DCAF8L2: variants seen among roughly 807,000 people sequenced by gnomAD.
DCAF8L2 encodes the protein DDB1- and CUL4-associated factor 8-like protein 2.
For missense variants in DCAF8L2, 430 were observed against 490.7 expected (o/e 0.88, Z 1.17); for synonymous variants, 200 against 190.9 (o/e 1.05, Z -0.39).
chrX:27,514,088 A>T, the DCAF8L2 span, among the ~76,000 whole-genome samples: 1 of 108,266 alleles, frequency 9.2e-6, no homozygotes, highest in South Asian at 3.9e-4. Context: ...ACAATAGCCA[A>T]TACATAAATG....
intron 2 of DCAF8L2, among the ~76,000 whole-genome samples, chrX:27,671,270 G>A (rs1278774718): frequency 8.9e-6 from 1 of 111,909 alleles, no homozygotes; most frequent in Non-Finnish European, 1.9e-5. Context: ...TCTGGTAACT[G>A]TTAAAAAATA....
At chrX:27,657,696 G>A (rs186987946) in intron 2 of DCAF8L2, among the ~76,000 whole-genome samples, 17 of 112,119 alleles carry the variant, frequency 1.5e-4, no homozygotes, top group African/African-American at 4.8e-4. Context: ...ACATGAGACA[G>A]AATAAGGATA....
the DCAF8L2 span, among the ~76,000 whole-genome samples, chrX:27,471,723 T>G: frequency 2.7e-5 from 3 of 111,418 alleles, no homozygotes. Flanking sequence ...TTAGTTACTT[T>G]TATTGTCTTA....
chrX:27,561,154 G>T, the DCAF8L2 span, among the ~76,000 whole-genome samples: 1 of 112,093 alleles, frequency 8.9e-6, no homozygotes, highest in Non-Finnish European at 1.9e-5. Context: ...GGGCATGGCT[G>T]GCCCTGAATC....
the DCAF8L2 span, among the ~76,000 whole-genome samples, chrX:27,538,742 G>T: frequency 3.6e-5 from 4 of 111,119 alleles, no homozygotes; most frequent in Non-Finnish European, 7.5e-5. Flanking sequence ...TAAAGGCTTT[G>T]CTCATATTTA....
At position 27,704,839 on chromosome X, in the gene DCAF8L2, CA is replaced by C. The variant is rs1403201902; in HGVS notation, c.-142-11248del. ...TTTTTTAATTTTTTTATTTCAGGTT[CA>C]GGGGTAGATATGCATGTTTGTTATA... On this transcript the variant is annotated intron_variant, in intron 3 of 4. Coordinates refer to ENST00000451261, the MANE Select transcript of DCAF8L2 (RefSeq NM_001353450.2). 2.7e-5 allele frequency among the ~76,000 whole-genome samples: 3 copies of C among 110,257 alleles called. No homozygotes were observed. In the Admixed American group the frequency reaches 2.9e-4, roughly 11 times the overall value.
chrX:27,647,545 C>T (rs187436463), intron 2 of DCAF8L2, among the ~76,000 whole-genome samples: 50 of 111,651 alleles, frequency 4.5e-4, no homozygotes, highest in Admixed American at 1.1e-3. Context: ...ACATCCTCCA[C>T]ATGTACCACA....
At chrX:27,535,791 G>T in the DCAF8L2 span, among the ~76,000 whole-genome samples, 1 of 111,911 alleles carries the variant, frequency 8.9e-6, no homozygotes, top group African/African-American at 3.2e-5. Flanking sequence ...GCAAGTAAAA[G>T]AGACTTATTG....
At chrX:27,557,272 A>G in the DCAF8L2 span, among the ~76,000 whole-genome samples, 1 of 112,434 alleles carries the variant, frequency 8.9e-6, no homozygotes, top group Admixed American at 9.5e-5. Flanking sequence ...ATCTGATCCA[A>G]CAACTTTTAG....
the DCAF8L2 span, among the ~76,000 whole-genome samples, chrX:27,507,934 A>G: frequency 9.0e-6 from 1 of 111,685 alleles, no homozygotes; most frequent in Non-Finnish European, 1.9e-5. Flanking sequence ...CGCCTCAGGT[A>G]CTGTAAGATA....
chrX:27,620,577 C>T (rs1193393039), intron 1 of DCAF8L2, among the ~76,000 whole-genome samples: 1 of 111,777 alleles, frequency 8.9e-6, no homozygotes, highest in East Asian at 2.8e-4. Context: ...TGCTCAACAT[C>T]ACAAATCATT....
Position 27,591,007 on chromosome X carries a change from A to G in DCAF8L2, c.-342+567A>G, listed in dbSNP as rs964082809. On this transcript the variant is annotated intron_variant, in intron 1 of 4. Transcript: ENST00000451261. ...CTTTACATTTTATATATATATATAT[A>G]TATATATAAATAAATAATTTGATAG... is the stretch of plus-strand genomic sequence containing the variant. Among the ~76,000 whole-genome samples, 107 of 96,524 alleles carry G rather than the reference A, an allele frequency of 1.1e-3. 2 individuals carry two copies. Among genetic ancestry groups the G allele is most frequent in the Non-Finnish European group, 4.4e-4 (21 of 47,821 alleles). The allele number at this position is 96,524 out of a possible 115,157, so 83.8% of individuals were successfully genotyped here.
At chrX:27,566,059 C>T in the DCAF8L2 span, among the ~76,000 whole-genome samples, 11 of 110,324 alleles carry the variant, frequency 1.0e-4, no homozygotes, top group African/African-American at 3.3e-4. Flanking sequence ...ATTGCAGATA[C>T]GTTTAGTTCT....
the DCAF8L2 span, among the ~76,000 whole-genome samples, chrX:27,523,623 AT>A: frequency 8.4e-5 from 9 of 107,512 alleles, no homozygotes; most frequent in South Asian, 4.0e-4. Context: ...AGTGCTTGGA[AT>A]TTTTTTTTTG....
chrX:27,532,465 A>G, the DCAF8L2 span, among the ~76,000 whole-genome samples: 38 of 112,041 alleles, frequency 3.4e-4, no homozygotes, highest in African/African-American at 1.2e-3. Context: ...AGTCCTATTA[A>G]TGGAAGAGTA....
At chrX:27,556,125 C>T in the DCAF8L2 span, among the ~76,000 whole-genome samples, 1 of 110,991 alleles carries the variant, frequency 9.0e-6, no homozygotes, top group Admixed American at 9.6e-5. Flanking sequence ...TGGTTCCCTT[C>T]CAAGTTTGTC....
intron 2 of DCAF8L2, among the ~76,000 whole-genome samples, chrX:27,671,001 A>G (rs188368125): frequency 8.9e-6 from 1 of 112,218 alleles, no homozygotes; most frequent in African/African-American, 3.2e-5. Flanking sequence ...CTTTATGGCA[A>G]CACAAATGGA....
chrX:27,701,774 G>A (rs1931137463), intron 3 of DCAF8L2, among the ~76,000 whole-genome samples: 1 of 110,324 alleles, frequency 9.1e-6, no homozygotes, highest in African/African-American at 3.3e-5. Flanking sequence ...TCTCAAATCG[G>A]TAACATAAAC....
Position 27,606,341 on chromosome X carries a change from T to TA in DCAF8L2, c.-342+15901_-342+15902insA, listed in dbSNP as rs766199354. 8.5e-3 allele frequency among the ~76,000 whole-genome samples: 362 copies of TA among 42,573 alleles called. 1 individual carries two copies. The highest frequency in any genetic ancestry group is 0.016 in the Middle Eastern group (1 of 61). The allele number at this position is 42,573 out of a possible 115,157, so 37.0% of individuals were successfully genotyped here. A position where few individuals can be genotyped will look rare whatever the true frequency, so the allele number is the denominator to read the frequency against. Reference sequence around the variant, plus strand: ...TAGGAATTATATATATATATAGGAATTATATATATATCTAGGAATATATAT... The same window carrying TA: ...TAGGAATTATATATATATATAGGAATATATATATATATCTAGGAATATATAT... On this transcript the variant is annotated intron_variant, in intron 1 of 4. Coordinates refer to ENST00000451261, the MANE Select transcript of DCAF8L2 (RefSeq NM_001353450.2).
Sources: allele counts gnomAD v4.1 joint callset (sites outside exome capture counted in the v4.1 genomes callset), GRCh38; gene constraint gnomAD v4.1.1; transcripts MANE v1.5; gene names NCBI Gene and HGNC (gene_info 2026-07-23, HGNC 2026-07-21).